The following DNAH1 variants were observed in gnomAD, a reference collection of about 807,000 sequenced individuals.
DNAH1 encodes dynein axonemal heavy chain 1, also known as axonemal beta dynein heavy chain 1.
Under a neutral mutation model 484.3 loss-of-function variants are expected in DNAH1, and 327 were observed. The ratio of observed to expected loss-of-function variants is 0.68; its 90% CI spans 0.62 to 0.74. DNAH1 has a LOEUF of 0.74. Among genes scored for constraint, DNAH1 ranks in the 30% least tolerant of loss-of-function variants. DNAH1 has a pLI of 0.00. For synonymous variants in DNAH1, 2,192 were observed against 2,191.9 expected (o/e 1.00, Z 0.00); for missense variants, 5,052 against 5,546.8 (o/e 0.91, Z 2.83).
intron 46 of DNAH1, among the ~76,000 whole-genome samples, chr3:52,377,943 G>A (rs1006578618): frequency 1.3e-5 from 2 of 152,144 alleles, no homozygotes; most frequent in African/African-American, 2.4e-5. Context: ...TGAGGGCAAG[G>A]AGTGTGTCTG....
rs1403887386 is a variant in DNAH1 at position 52,349,329 on chromosome 3, A to G, written c.2435A>G (p.Asn812Ser). 1.9e-6 allele frequency: 3 copies of G among 1,613,938 alleles called. No individual in the cohort carries two copies. The highest frequency in any genetic ancestry group is 2.2e-5 in the East Asian group (1 of 44,874). ...IIGPFYINTD[N>S]VKQSLSKKRK... is the part of the protein sequence containing the mutation. ...GGGCCTTTCTACATCAACACCGACA[A>G]TGTCAAGCAGAGCCTGTCCAAGAAA... The change falls in exon 14 of 78, where the codon AAT becomes AGT. Residue 812 changes from asparagine (N) to serine (S), a missense_variant. Coordinates refer to ENST00000420323, the MANE Select transcript of DNAH1 (RefSeq NM_015512.5).
rs777141202 is a variant in DNAH1 at position 52,399,522 on chromosome 3, GGT to G, written c.12442-18_12442-17del. The G allele has an allele frequency of 3.2e-6, 5 of 1,577,486 alleles. 1 individual carries two copies. The South Asian group carries it at 3.4e-5, about 11-fold the overall frequency. The stretch of plus-strand genomic sequence containing the variant: ...ATTCTGGGTATTGTTATGTGTGTGG[GGT>G]GTGTCTGTGTCTACCCACAGGTGAT... On this transcript the variant is annotated intron_variant, in intron 76 of 77. Coordinates refer to ENST00000420323, the MANE Select transcript of DNAH1 (RefSeq NM_015512.5).
At chr3:52,397,982 G>C in intron 74 of DNAH1, 50 bp from the exon 75 acceptor site, 10 of 1,595,782 alleles carry the variant, frequency 6.3e-6, no homozygotes, top group Non-Finnish European at 8.5e-6. Flanking sequence ...AATCCCACAG[G>C]GGATAAGGGG....
chr3:52,358,763 C>T lies in DNAH1; in HGVS notation c.4266+26C>T. 1 of 1,610,620 alleles carries T rather than the reference C, an allele frequency of 6.2e-7. No individual in the cohort carries two copies. Among genetic ancestry groups the T allele is most frequent in the South Asian group, 1.1e-5 (1 of 90,794 alleles). Reference sequence around the variant, plus strand: ...GTGAGCCGCCCGCAGCCCGTGCAGCCTTCCACCCCTGCACCCCTCTGCTCC... The same window carrying T: ...GTGAGCCGCCCGCAGCCCGTGCAGCTTTCCACCCCTGCACCCCTCTGCTCC... On this transcript the variant is annotated intron_variant, in intron 25 of 77. Coordinates refer to ENST00000420323, the MANE Select transcript of DNAH1 (RefSeq NM_015512.5). The surrounding 1 kb of genome is among the most constrained non-coding windows in gnomAD (Gnocchi z 4.2).
In DNAH1 at chr3:52,396,961, T is replaced by C; in HGVS notation, c.11704T>C (p.Tyr3902His). 1 of 1,613,318 alleles carries C rather than the reference T, an allele frequency of 6.2e-7. No homozygotes were observed. The highest frequency in any genetic ancestry group is 8.5e-7 in the Non-Finnish European group (1 of 1,179,784). ...CATCATGAACATCTTGGAGGACTTC[T>C]ACAACCCTGACGTGCTCTCCCCTGA... The part of the protein sequence containing the change: ...RCIMNILEDF[Y>H]NPDVLSPEHS... The change falls in exon 73 of 78, where the codon TAC becomes CAC. Residue 3902 changes from tyrosine to histidine, a missense_variant. This residue lies in a region of DNAH1 where 853 missense variants were observed against 899.0 expected (regional missense o/e 0.95). Transcript: ENST00000420323.
rs1490441112 is a variant in DNAH1, at chr3:52,395,667, A to G, written c.11248A>G (p.Asn3750Asp). Residue 3750 changes from asparagine to aspartate, a missense_variant, in exon 70 of 78, where the codon AAC (asparagine) becomes GAC (aspartate). Physicochemically the swap from Asn to Asp is conservative, Grantham distance 23. Coordinates refer to ENST00000420323, the MANE Select transcript of DNAH1 (RefSeq NM_015512.5). This position sits in a 1 kb window ranked among gnomAD's most constrained non-coding sequence, Gnocchi z 4.4. ...PALERLIEHI[N>D]PDKVHRDFRL... ...CCTAGAACGCCTCATCGAGCACATC[A>G]ACCCCGACAAGGTGTGTTGCCCTGC... 5.0e-6 allele frequency: 8 copies of G among 1,613,532 alleles called. No individual in the cohort carries two copies. Among genetic ancestry groups the G allele is most frequent in the Non-Finnish European group, 6.8e-6 (8 of 1,179,770 alleles).
chr3:52,377,747 C>G (rs1160750485), intron 46 of DNAH1, among the ~76,000 whole-genome samples: 1 of 97,508 alleles, frequency 1.0e-5, no homozygotes, highest in Non-Finnish European at 2.1e-5. Context: ...TCTCACTTCT[C>G]TGCTTGACCC....
At chr3:52,328,494 A>G (rs1471231564) in intron 6 of DNAH1, among the ~76,000 whole-genome samples, 2 of 152,082 alleles carry the variant, frequency 1.3e-5, no homozygotes, top group East Asian at 3.9e-4. Flanking sequence ...CACCCCCAAC[A>G]ACCTCTCTTG....
chr3:52,371,357 C>G (rs542316541), intron 41 of DNAH1, among the ~76,000 whole-genome samples: 117 of 152,354 alleles, frequency 7.7e-4, no homozygotes, highest in African/African-American at 2.7e-3. Context: ...GCTGGGGGCT[C>G]CCAGGGCACA....
chr3:52,336,489 G>A (rs1356126032), intron 8 of DNAH1, among the ~76,000 whole-genome samples: 1 of 152,176 alleles, frequency 6.6e-6, no homozygotes, highest in Non-Finnish European at 1.5e-5. Flanking sequence ...AGGAGGTGGA[G>A]GTTGCAGTGA....
At chr3:52,380,223 A>T in intron 48 of DNAH1, 88 bp downstream of exon 48, 1 of 1,145,644 alleles carries the variant, frequency 8.7e-7, no homozygotes, top group Non-Finnish European at 1.2e-6. Context: ...GTCACCACTA[A>T]CAGACTACCA....
rs767911333 is a variant in DNAH1 at position 52,361,627 on chromosome 3, C to T, written c.4875-34C>T. On this transcript the variant is annotated intron_variant, in intron 29 of 77. Coordinates refer to ENST00000420323, the MANE Select transcript of DNAH1 (RefSeq NM_015512.5). The surrounding 1 kb of genome is among the most constrained non-coding windows in gnomAD (Gnocchi z 5.6). ...AGGTGCCCAGATTGGGCTCTGAACA[C>T]ATGTGCCCCATCCAATGTTCCGGCC... 8 of 1,567,320 alleles carry T rather than the reference C, an allele frequency of 5.1e-6. No homozygotes were observed. In the South Asian group the frequency reaches 9.4e-5, roughly 18 times the overall value.
At chr3:52,387,007 C>T (rs146229098) in intron 56 of DNAH1, among the ~76,000 whole-genome samples, 154 bp downstream of exon 56, 110 of 152,338 alleles carry the variant, frequency 7.2e-4, no homozygotes, top group African/African-American at 2.5e-3. Flanking sequence ...ACCACCAGCA[C>T]CACACAAGGG....
At chr3:52,334,272 T>C (rs1011530947) in intron 8 of DNAH1, among the ~76,000 whole-genome samples, 1 of 151,984 alleles carries the variant, frequency 6.6e-6, no homozygotes, top group African/African-American at 2.4e-5. Flanking sequence ...ACAGTAAAAA[T>C]ACAGTATACA....
intron 36 of DNAH1, among the ~76,000 whole-genome samples, chr3:52,367,815 T>C (rs1703150058): frequency 6.6e-6 from 1 of 152,170 alleles, no homozygotes; most frequent in African/African-American, 2.4e-5. Flanking sequence ...TCAGGTGATC[T>C]GCCCGCCTTG....
chr3:52,335,846 C>T (rs910128625), intron 8 of DNAH1, among the ~76,000 whole-genome samples: 30 of 150,690 alleles, frequency 2.0e-4, no homozygotes, highest in Admixed American at 1.8e-3. Context: ...GTTGGTCAGG[C>T]GGGTCTCAAA....
chr3:52,326,870 C>G lies in DNAH1; in HGVS notation c.717C>G (p.Phe239Leu), dbSNP rs1234765193. The change falls in exon 5 of 78, where the codon TTC (phenylalanine) becomes TTG (leucine). Residue 239 changes from phenylalanine (F) to leucine (L), a missense_variant. This residue lies in a region of DNAH1 where 1,263 missense variants were observed against 1,218.8 expected (regional missense o/e 1.04). Coordinates refer to ENST00000420323, the MANE Select transcript of DNAH1 (RefSeq NM_015512.5). ...QTIEQGHDPI[F>L]PIYLPLKVFD... ...TCGAACAGGGCCATGACCCAATCTT[C>G]CCCATCTACCTCCCACTGAAGGTGA... 1 of 1,612,914 alleles carries G rather than the reference C, an allele frequency of 6.2e-7. No homozygotes were observed. The highest frequency in any genetic ancestry group is 8.5e-7 in the Non-Finnish European group (1 of 1,179,476).
chr3:52,392,548 T>C lies in DNAH1; in HGVS notation c.10137T>C (p.Ser3379=). 1 of 1,613,926 alleles carries C rather than the reference T, an allele frequency of 6.2e-7. No homozygotes were observed. Among genetic ancestry groups the C allele is most frequent in the African/African-American group, 1.3e-5 (1 of 75,014 alleles). The part of the protein sequence containing the change: ...LEEAKNQLII[S]NAKMRQELKD... ...AGGCCAAGAACCAGCTGATTATCAG[T>C]AATGCCAAGATGCGCCAGGAGCTGA... The change falls in exon 64 of 78, where the codon AGT becomes AGC. Residue 3379 remains serine, a synonymous_variant. Coordinates refer to ENST00000420323, the MANE Select transcript of DNAH1 (RefSeq NM_015512.5).
Position 52,351,991 on chromosome 3 carries a change from T to C in DNAH1, c.2759T>C (p.Ile920Thr). 1 of 1,602,186 alleles carries C rather than the reference T, an allele frequency of 6.2e-7. No individual in the cohort carries two copies. The highest frequency in any genetic ancestry group is 8.5e-7 in the Non-Finnish European group (1 of 1,174,672). Residue 920 changes from isoleucine to threonine, a missense_variant, in exon 17 of 78, where the codon ATC (isoleucine) becomes ACC (threonine). Ile to Thr is a moderately conservative substitution (Grantham distance 89). Coordinates refer to ENST00000420323, the MANE Select transcript of DNAH1 (RefSeq NM_015512.5). ...KWIASNWPSK[I>T]LGQIELVQQQ... Reference sequence around the variant, plus strand: ...ATTGCCAGCAACTGGCCTTCTAAGATCCTTGGGCAGATAGAGCTGGTGCAG... The same window carrying C: ...ATTGCCAGCAACTGGCCTTCTAAGACCCTTGGGCAGATAGAGCTGGTGCAG...
Sources: allele counts gnomAD v4.1 joint callset (sites outside exome capture counted in the v4.1 genomes callset), GRCh38; gene constraint gnomAD v4.1.1; regional missense constraint gnomAD v4.1.1; non-coding constraint Gnocchi (gnomAD v3.1); transcripts MANE v1.5; gene names NCBI Gene and HGNC (gene_info 2026-07-23, HGNC 2026-07-21).